Variants in NRXN3 observed in about 807,000 individuals in gnomAD.
NRXN3 encodes the protein neurexin 3, also known as neurexin III.
In NRXN3, 32 loss-of-function variants were observed where a neutral mutation model predicts 137.6. The ratio of observed to expected loss-of-function variants is 0.23; its 90% CI spans 0.18 to 0.31. The LOEUF (loss-of-function observed/expected upper bound fraction) is 0.31. Among genes scored for constraint, NRXN3 ranks in the 10% least tolerant of loss-of-function variants. The probability of loss-of-function intolerance (pLI) is 1.00; values close to 1 mark genes in which losing one functional copy is unlikely to be tolerated. For missense variants in NRXN3, 1,574 were observed against 2,062.5 expected (o/e 0.76, Z 4.59); for synonymous variants, 798 against 784.5 (o/e 1.02, Z -0.29).
chr14:79,627,967 T>C (rs1226462725), intron 16 of NRXN3, among the ~76,000 whole-genome samples: 1 of 152,104 alleles, frequency 6.6e-6, no homozygotes, highest in Non-Finnish European at 1.5e-5. Context: ...ACCTAACAAA[T>C]TGGATTTCAG....
In NRXN3 at chr14:78,426,155, G is replaced by A. The variant is rs544040958; in HGVS notation, c.757+128295G>A. Among the ~76,000 whole-genome samples the A allele has an allele frequency of 4.2e-3, 633 of 152,260 alleles. 6 individuals are homozygous for A. The highest frequency in any genetic ancestry group is 0.034 in the South Asian group (162 of 4,824). ...TCTCAACTTAGCTGTCTTTTCAAAG[G>A]CCAGGTGGGAGAGGACACATCAAGG... On this transcript the variant is annotated intron_variant, in intron 4 of 20. Transcript: ENST00000335750.
rs570230970 is a variant in NRXN3 at position 79,019,717 on chromosome 14, T to C, written c.3262+31576T>C. ...TTGCAAGGAGGAAAGTAATCCTCAG[T>C]TTCAAATGCAGTTGAGAGGGCTGGG... On this transcript the variant is annotated intron_variant, in intron 15 of 20. Coordinates refer to ENST00000335750, the MANE Select transcript of NRXN3 (RefSeq NM_001330195.2). Among the ~76,000 whole-genome samples, 52 of 152,182 alleles carry C rather than the reference T, an allele frequency of 3.4e-4. No individual in the cohort carries two copies. In the South Asian group the frequency reaches 0.011, roughly 31 times the overall value.
intron 19 of NRXN3, among the ~76,000 whole-genome samples, chr14:79,706,660 G>C (rs1199129222): frequency 6.6e-6 from 1 of 152,048 alleles, no homozygotes; most frequent in Non-Finnish European, 1.5e-5. Flanking sequence ...GGCCAGATAT[G>C]CTGGCTCCTA....
intron 8 of NRXN3, among the ~76,000 whole-genome samples, chr14:78,778,694 C>CTT (rs956780791): frequency 4.2e-5 from 6 of 142,326 alleles, no homozygotes; most frequent in Non-Finnish European, 9.2e-5. Flanking sequence ...TTCTTTCTTT[C>CTT]TTTCTTTCTT....
intron 10 of NRXN3, among the ~76,000 whole-genome samples, chr14:78,913,373 G>A (rs918184872): frequency 2.2e-5 from 3 of 137,486 alleles, no homozygotes; most frequent in East Asian, 2.4e-4. Flanking sequence ...TCCACCTCCC[G>A]GGTTTAAGCG....
intron 1 of NRXN3, among the ~76,000 whole-genome samples, chr14:78,209,102 A>G (rs1261428033): frequency 6.6e-6 from 1 of 152,102 alleles, no homozygotes; most frequent in East Asian, 1.9e-4. Flanking sequence ...TCTGAAGGAG[A>G]TAAGTCTGCA....
At chr14:79,664,968 A>T (rs1445620582) in intron 17 of NRXN3, among the ~76,000 whole-genome samples, 2 of 152,178 alleles carry the variant, frequency 1.3e-5, no homozygotes, top group Admixed American at 1.3e-4. Context: ...GGTGGGCACA[A>T]TAACAAAGAA....
chr14:79,595,813 C>T (rs1487722820), intron 16 of NRXN3, among the ~76,000 whole-genome samples: 1 of 152,056 alleles, frequency 6.6e-6, no homozygotes, highest in African/African-American at 2.4e-5. Flanking sequence ...AATGTGAATC[C>T]TTGGAAATTC....
chr14:78,778,407 G>C (rs1173147395), intron 8 of NRXN3, among the ~76,000 whole-genome samples: 1 of 152,142 alleles, frequency 6.6e-6, no homozygotes. Context: ...CTGCTTCCTT[G>C]GTGCAGTTAA....
chr14:79,015,511 A>G (rs1279925639), intron 15 of NRXN3, among the ~76,000 whole-genome samples: 4 of 152,082 alleles, frequency 2.6e-5, no homozygotes, highest in Non-Finnish European at 5.9e-5. Context: ...GTGGATCTCT[A>G]CAGGGCTTCC....
intron 15 of NRXN3, among the ~76,000 whole-genome samples, chr14:79,268,309 T>G (rs1300003993): frequency 6.6e-6 from 1 of 152,252 alleles, no homozygotes; most frequent in Non-Finnish European, 1.5e-5. Flanking sequence ...ACGATGTTTT[T>G]AGATGTAAAG....
At chr14:78,225,202 T>C (rs1456635179) in intron 1 of NRXN3, among the ~76,000 whole-genome samples, 3 of 152,194 alleles carry the variant, frequency 2.0e-5, no homozygotes, top group African/African-American at 7.2e-5. Flanking sequence ...TTGAACTAGT[T>C]TACAGTCCCA....
intron 15 of NRXN3, among the ~76,000 whole-genome samples, chr14:79,095,170 A>C (rs1036395846): frequency 6.6e-6 from 1 of 152,086 alleles, no homozygotes; most frequent in African/African-American, 2.4e-5. Flanking sequence ...TGAGACAGCC[A>C]CTTTACTCCT....
rs142154986 is a variant in NRXN3 at position 79,283,956 on chromosome 14, A to G, written c.3263-183265A>G. On this transcript the variant is annotated intron_variant, in intron 15 of 20. Coordinates refer to ENST00000335750, the MANE Select transcript of NRXN3 (RefSeq NM_001330195.2). The stretch of plus-strand genomic sequence containing the variant: ...CAAGCGAAATTAATACAAAATCAAA[A>G]TATCCTTTATAAAATGAAGGTTTAC... 2.9e-3 allele frequency among the ~76,000 whole-genome samples: 446 copies of G among 152,148 alleles called. 1 individual carries two copies. Among genetic ancestry groups the G allele is most frequent in the South Asian group, 0.01 (50 of 4,816 alleles).
chr14:79,604,784 C>T (rs1206629508), intron 16 of NRXN3, among the ~76,000 whole-genome samples: 1 of 152,076 alleles, frequency 6.6e-6, no homozygotes, highest in African/African-American at 2.4e-5. Flanking sequence ...ATAATCCCAG[C>T]ACTTTGGGAG....
At chr14:79,248,113 G>A (rs189289353) in intron 15 of NRXN3, among the ~76,000 whole-genome samples, 18 of 152,264 alleles carry the variant, frequency 1.2e-4, no homozygotes, top group South Asian at 2.1e-4. Context: ...GACTACAGGC[G>A]TGAACCGCCA....
chr14:79,109,223 G>A (rs2053029833), intron 15 of NRXN3, among the ~76,000 whole-genome samples: 1 of 152,132 alleles, frequency 6.6e-6, no homozygotes, highest in Non-Finnish European at 1.5e-5. Context: ...CTATCCATTA[G>A]CAGATTTAAA....
intron 16 of NRXN3, among the ~76,000 whole-genome samples, chr14:79,522,854 T>A (rs1190545976): frequency 6.6e-6 from 1 of 152,226 alleles, no homozygotes; most frequent in Non-Finnish European, 1.5e-5. Context: ...ACTGCCATGT[T>A]AAATACCACT....
intron 4 of NRXN3, among the ~76,000 whole-genome samples, chr14:78,471,252 A>C (rs2095260504): frequency 6.6e-6 from 1 of 151,244 alleles, no homozygotes; most frequent in South Asian, 2.1e-4. Context: ...GAGTGTCTTC[A>C]TTCTTCTCTT....
Sources: allele counts gnomAD v4.1 joint callset (sites outside exome capture counted in the v4.1 genomes callset), GRCh38; gene constraint gnomAD v4.1.1; transcripts MANE v1.5; gene names NCBI Gene and HGNC (gene_info 2026-07-23, HGNC 2026-07-21).